The following PTER variants were observed in gnomAD, a reference collection of about 807,000 sequenced individuals.
PTER encodes N-acetyltaurine hydrolase.
Under a neutral mutation model 29.6 loss-of-function variants are expected in PTER, and 38 were observed. The observed-to-expected ratio is 1.28, with a 90% CI of 0.99 to 1.68. The LOEUF is 1.68. Ranked by LOEUF, PTER falls within the 40% of genes most tolerant of loss-of-function variation. The pLI is 0.00. For missense variants in PTER, 482 were observed against 427.8 expected (o/e 1.13, Z -1.12); for synonymous variants, 172 against 154.5 (o/e 1.11, Z -0.84).
At chr10:16,514,164 C>T (rs1402269928), downstream of PTER, 1 of 398,798 alleles carries the variant, frequency 2.5e-6, no homozygotes, top group Non-Finnish European at 4.4e-6. Context: ...CCAAAGCTGA[C>T]ATATGGATAA....
chr10:16,496,135 G>C (rs1210111627), intron 3 of PTER, among the ~76,000 whole-genome samples: 2 of 152,126 alleles, frequency 1.3e-5, no homozygotes, highest in East Asian at 3.9e-4. Flanking sequence ...CACTCCTCTG[G>C]TGTTCTCTGA....
At chr10:16,506,187 CAG>C (rs1836556027) in intron 4 of PTER, among the ~76,000 whole-genome samples, 1 of 152,094 alleles carries the variant, frequency 6.6e-6, no homozygotes, top group South Asian at 2.1e-4. Context: ...ATTTTATAAA[CAG>C]AGTGCAATCT....
intron 1 of PTER, among the ~76,000 whole-genome samples, chr10:16,461,259 A>G (rs1247447015): frequency 1.3e-5 from 2 of 151,984 alleles, no homozygotes; most frequent in Non-Finnish European, 2.9e-5. Flanking sequence ...GCTTATTTTT[A>G]TGGGGAAAAT....
chr10:16,498,070 C>T (rs1325288236), intron 3 of PTER, among the ~76,000 whole-genome samples: 2 of 152,266 alleles, frequency 1.3e-5, no homozygotes. Context: ...GTACTTGATA[C>T]CAAAATCTGG....
intron 1 of PTER, among the ~76,000 whole-genome samples, chr10:16,448,203 TG>T (rs1226737842): frequency 2.0e-5 from 3 of 152,172 alleles, no homozygotes; most frequent in Non-Finnish European, 4.4e-5. Flanking sequence ...GATTCCCCTA[TG>T]GGAGCCTGCC....
At chr10:16,479,844 C>T (rs1835411683) in intron 1 of PTER, among the ~76,000 whole-genome samples, 1 of 151,820 alleles carries the variant, frequency 6.6e-6, no homozygotes, top group Non-Finnish European at 1.5e-5. Flanking sequence ...TTCATCCATT[C>T]GTACACGGCT....
At chr10:16,457,368 A>G (rs1834446046) in intron 1 of PTER, among the ~76,000 whole-genome samples, 2 of 151,616 alleles carry the variant, frequency 1.3e-5, no homozygotes, top group South Asian at 4.2e-4. Flanking sequence ...GCCCGCCACC[A>G]CGCCCAGCTA....
At chr10:16,456,864 G>T (rs1001247381) in intron 1 of PTER, among the ~76,000 whole-genome samples, 1 of 146,116 alleles carries the variant, frequency 6.8e-6, no homozygotes. Context: ...GGGGAAGGTG[G>T]GGGGGGGTTC....
rs890926603 is a variant in PTER, at chr10:16,513,647, T to C, written c.*2391T>C. On this transcript the variant is annotated 3_prime_UTR_variant, in exon 5 of 5. Transcript: ENST00000535784. The stretch of plus-strand genomic sequence containing the variant: ...GTATGCAGCAGCTCAAATTAAACCT[T>C]TGTGCATTGGGTTATGAATAATCTT... The C allele has an allele frequency of 1.3e-5, 2 of 152,530 alleles. No homozygotes were observed. Among genetic ancestry groups the C allele is most frequent in the African/African-American group, 4.8e-5 (2 of 41,430 alleles). The allele number at this position is 152,530 out of a possible 1,614,324, so 9.4% of individuals were successfully genotyped here. A position where few individuals can be genotyped will look rare whatever the true frequency, so the allele number is the denominator to read the frequency against.
chr10:16,453,184 G>A (rs1481722238), intron 1 of PTER, among the ~76,000 whole-genome samples: 1 of 152,114 alleles, frequency 6.6e-6, no homozygotes, highest in Non-Finnish European at 1.5e-5. Context: ...CCAAAGTGCT[G>A]GGATTATAGG....
intron 4 of PTER, among the ~76,000 whole-genome samples, chr10:16,508,990 C>T (rs1481095202): frequency 6.6e-6 from 1 of 152,224 alleles, no homozygotes; most frequent in Middle Eastern, 3.2e-3. Context: ...CTGTGTCTAA[C>T]ACCTGTTTTC....
chr10:16,478,419 C>T (rs1309235969), intron 1 of PTER, among the ~76,000 whole-genome samples: 4 of 151,470 alleles, frequency 2.6e-5, no homozygotes, highest in African/African-American at 7.3e-5. Flanking sequence ...CTGCAACCTC[C>T]GCCTCCCGGG....
intron 3 of PTER, among the ~76,000 whole-genome samples, chr10:16,499,884 T>C (rs576608721): frequency 2.0e-5 from 3 of 152,212 alleles, no homozygotes; most frequent in South Asian, 2.1e-4. Context: ...AGCAAATTTC[T>C]CTTCCCCTCT....
chr10:16,493,030 C>A (rs573432730), intron 3 of PTER, among the ~76,000 whole-genome samples: 1 of 152,184 alleles, frequency 6.6e-6, no homozygotes, highest in Non-Finnish European at 1.5e-5. Flanking sequence ...ATCATTCATT[C>A]ATTCCACAAA....
chr10:16,438,256 G>T (rs990316107), intron 1 of PTER, among the ~76,000 whole-genome samples: 4 of 151,662 alleles, frequency 2.6e-5, no homozygotes, highest in Non-Finnish European at 5.9e-5. Flanking sequence ...CACCCACCTC[G>T]GCCTCCTAAA....
rs537991111 is a variant in PTER, at chr10:16,483,700, G to A, written c.-48-637G>A. Among the ~76,000 whole-genome samples, 3 of 152,196 alleles carry A rather than the reference G, an allele frequency of 2.0e-5. No individual in the cohort carries two copies. The East Asian group carries it at 5.8e-4, about 29-fold the overall frequency. ...CCATCTCCTAAAAATGCAAAAATTA[G>A]CCAGGCTTGGTGACACATGCGTGTA... On this transcript the variant is annotated intron_variant, in intron 1 of 4. Transcript: ENST00000535784.
intron 1 of PTER, among the ~76,000 whole-genome samples, chr10:16,441,657 GA>G (rs764002771): frequency 1.2e-4 from 19 of 152,308 alleles, no homozygotes; most frequent in Non-Finnish European, 2.4e-4. Flanking sequence ...GTGATATGAT[GA>G]TGATAAATTG....
At chr10:16,477,662 G>A (rs1329959135) in intron 1 of PTER, among the ~76,000 whole-genome samples, 1 of 152,088 alleles carries the variant, frequency 6.6e-6, no homozygotes, top group African/African-American at 2.4e-5. Flanking sequence ...GGTTAACCAA[G>A]TTGCCCAAAC....
rs1253085203 is a variant in PTER, at chr10:16,505,109, A to G, written c.788A>G (p.Tyr263Cys). The G allele has an allele frequency of 6.2e-7, 1 of 1,614,026 alleles. No individual in the cohort carries two copies. The highest frequency in any genetic ancestry group is 8.5e-7 in the Non-Finnish European group (1 of 1,179,934). The change falls in exon 4 of 5, where the codon TAC becomes TGC. Residue 263 changes from tyrosine to cysteine, a missense_variant. Physicochemically the swap from Tyr to Cys is radical, Grantham distance 194. Transcript: ENST00000535784. ...YDLFGTELLH[Y>C]QLGPDIDMPD... is the part of the protein sequence containing the mutation. ...CTCTTTGGTACTGAACTACTTCATT[A>G]CCAACTCGGCCCAGATATTGACATG...
Sources: gnomAD v4.1 joint callset for allele counts (sites outside exome capture counted in the v4.1 genomes callset) on GRCh38, gnomAD v4.1.1 for gene constraint, MANE v1.5 for transcripts, NCBI Gene and HGNC (gene_info 2026-07-23, HGNC 2026-07-21) for gene names.